The following SYT17 variants were observed in gnomAD, a reference collection of about 807,000 sequenced individuals.
The protein encoded by SYT17 is synaptotagmin-17.
In SYT17, 22 loss-of-function variants were observed where a neutral mutation model predicts 46.7. The observed-to-expected ratio is 0.47, with a 90% CI of 0.34 to 0.67. The LOEUF is 0.67. SYT17 is among the 30% of genes least tolerant of loss of function. The pLI is 0.01. For missense variants in SYT17, 519 were observed against 612.8 expected (o/e 0.85, Z 1.62); for synonymous variants, 251 against 248.4 (o/e 1.01, Z -0.10).
intron 5 of SYT17, among the ~76,000 whole-genome samples, chr16:19,196,905 G>A (rs1475982410): frequency 6.6e-6 from 1 of 152,072 alleles, no homozygotes; most frequent in East Asian, 1.9e-4. Flanking sequence ...TCAGAGTTAT[G>A]TGCTCATTGG....
At chr16:19,172,972 T>C in intron 2 of SYT17, 195 bp downstream of exon 2, 1 of 650,034 alleles carries the variant, frequency 1.5e-6, no homozygotes, top group Non-Finnish European at 2.6e-6. Flanking sequence ...CAAGACAAGT[T>C]TCCCTCTCCA....
At chr16:19,182,471 C>T (rs188525014) in intron 4 of SYT17, among the ~76,000 whole-genome samples, 178 of 152,286 alleles carry the variant, frequency 1.2e-3, no homozygotes, top group Non-Finnish European at 2.0e-3. Context: ...TTTTAAAAGT[C>T]GTGGCTGCCA....
intron 1 of SYT17, chr16:19,172,074 T>A (rs182788693): frequency 5.3e-4 from 84 of 158,218 alleles, no homozygotes; most frequent in African/African-American, 1.9e-3. Context: ...TTCTAACCTA[T>A]CTAGCCTACT....
chr16:19,223,807 C>T (rs1038434611), intron 6 of SYT17, among the ~76,000 whole-genome samples: 1 of 152,094 alleles, frequency 6.6e-6, no homozygotes, highest in African/African-American at 2.4e-5. Context: ...TCTCAAAAGC[C>T]ACATTATAAA....
chr16:19,225,326 T>C (rs911752012), intron 7 of SYT17, among the ~76,000 whole-genome samples: 5 of 152,072 alleles, frequency 3.3e-5, no homozygotes, highest in African/African-American at 9.7e-5. Flanking sequence ...GAAAAAGGGA[T>C]TTTTAAAGTC....
chr16:19,173,723 G>T, intron 3 of SYT17, 145 bp downstream of exon 3: 12 of 891,280 alleles, frequency 1.3e-5, no homozygotes, highest in Non-Finnish European at 1.9e-5. Context: ...GGACAACTTT[G>T]CTGCAGACTG....
At chr16:19,194,694 A>C (rs1397913601) in intron 5 of SYT17, among the ~76,000 whole-genome samples, 2 of 152,206 alleles carry the variant, frequency 1.3e-5, no homozygotes, top group African/African-American at 4.8e-5. Flanking sequence ...TCCTGGGCTC[A>C]AGTGATCCTC....
chr16:19,178,041 T>C lies in SYT17; in HGVS notation c.183-2350T>C, dbSNP rs140381655. ...CCAACCTGTATTAGTTTGTTTTCTG[T>C]TGTGATAAAGGGATACCCAAGACTG... On this transcript the variant is annotated intron_variant, in intron 3 of 7. Transcript: ENST00000355377. Among the ~76,000 whole-genome samples the C allele has an allele frequency of 5.9e-5, 9 of 152,188 alleles. No homozygotes were observed. The East Asian group carries it at 1.7e-3, about 29-fold the overall frequency.
chr16:19,260,997 CAT>C (rs1359480600), intron 7 of SYT17, among the ~76,000 whole-genome samples: 1 of 151,866 alleles, frequency 6.6e-6, no homozygotes, highest in Non-Finnish European at 1.5e-5. Flanking sequence ...CTGGATTCCA[CAT>C]GTCTAGTCTT....
intron 5 of SYT17, among the ~76,000 whole-genome samples, chr16:19,203,401 G>A (rs1965544164): frequency 6.6e-6 from 1 of 152,072 alleles, no homozygotes; most frequent in Admixed American, 6.5e-5. Flanking sequence ...GCAGGCTGAG[G>A]TAGGAGAATC....
chr16:19,252,654 T>C (rs1968270773), intron 7 of SYT17, among the ~76,000 whole-genome samples: 1 of 147,962 alleles, frequency 6.8e-6, no homozygotes, highest in African/African-American at 2.5e-5. Flanking sequence ...TGAGGCTGAT[T>C]TCTTTGGATG....
chr16:19,194,442 C>T (rs1234141091), intron 5 of SYT17, among the ~76,000 whole-genome samples: 1 of 152,176 alleles, frequency 6.6e-6, no homozygotes, highest in Non-Finnish European at 1.5e-5. Flanking sequence ...TCTCCTTGGT[C>T]TTCACTTTGG....
chr16:19,231,884 A>G (rs959389669), intron 7 of SYT17, among the ~76,000 whole-genome samples: 1 of 152,210 alleles, frequency 6.6e-6, no homozygotes, highest in African/African-American at 2.4e-5. Context: ...TGCCACACCA[A>G]TAATGATTGA....
rs575672460 is a variant in SYT17 at position 19,240,371 on chromosome 16, C to T, written c.1228+15533C>T. Among the ~76,000 whole-genome samples, 48 of 152,290 alleles carry T rather than the reference C, an allele frequency of 3.2e-4. 1 individual carries two copies. The East Asian group carries it at 8.9e-3, about 28-fold the overall frequency. ...ACAGGTAGCTCCTCTCTGTAGCCAG[C>T]GTGTCCCAACGAGTGTTCAGCTCTC... On this transcript the variant is annotated intron_variant, in intron 7 of 7. Transcript: ENST00000355377.
chr16:19,240,801 T>A (rs1967046271), intron 7 of SYT17, among the ~76,000 whole-genome samples: 1 of 152,220 alleles, frequency 6.6e-6, no homozygotes, highest in African/African-American at 2.4e-5. Flanking sequence ...TAGGCTGTCC[T>A]TGGCCCCTCC....
At chr16:19,171,289 T>TAGG in intron 1 of SYT17, 1 of 107,282 alleles carries the variant, frequency 9.3e-6, no homozygotes, top group Non-Finnish European at 1.9e-5. Context: ...CCACCTATAC[T>TAGG]ATGATGATGA....
intron 7 of SYT17, among the ~76,000 whole-genome samples, chr16:19,260,317 C>G (rs568767802): frequency 7.2e-6 from 1 of 139,784 alleles, no homozygotes; most frequent in Admixed American, 7.3e-5. Context: ...TGGTGAAACC[C>G]CATCTCTACA....
intron 5 of SYT17, among the ~76,000 whole-genome samples, chr16:19,184,974 G>A (rs571527869): frequency 3.3e-5 from 5 of 152,076 alleles, no homozygotes; most frequent in Non-Finnish European, 5.9e-5. Context: ...GTCTCCAGTC[G>A]GCTGTTGTGC....
At chr16:19,256,078 T>C (rs1399640435) in intron 7 of SYT17, among the ~76,000 whole-genome samples, 1 of 152,132 alleles carries the variant, frequency 6.6e-6, no homozygotes, top group African/African-American at 2.4e-5. Flanking sequence ...AATAATAAAA[T>C]AGAGGTAATC....
Sources: gnomAD v4.1 joint callset for allele counts (sites outside exome capture counted in the v4.1 genomes callset) on GRCh38, gnomAD v4.1.1 for gene constraint, MANE v1.5 for transcripts, NCBI Gene and HGNC (gene_info 2026-07-23, HGNC 2026-07-21) for gene names.